CELF2: variants seen among roughly 807,000 people sequenced by gnomAD.
The protein encoded by CELF2 is CUGBP Elav-like family member 2.
Under a neutral mutation model 62.6 loss-of-function variants are expected in CELF2, and 8 were observed. The observed-to-expected ratio is 0.13, with a 90% CI of 0.07 to 0.23. The LOEUF (loss-of-function observed/expected upper bound fraction) is 0.23. Among genes scored for constraint, CELF2 ranks in the 10% least tolerant of loss-of-function variants. The pLI is 1.00. For synonymous variants in CELF2, 258 were observed against 250.0 expected, an observed-to-expected ratio of 1.03 and a Z score of -0.30; for missense variants, 333 against 671.0, an observed-to-expected ratio of 0.50 and a Z score of 5.56.
rs534737663 is a variant in CELF2 at position 11,038,657 on chromosome 10, A to G, written c.74+20494A>G. On this transcript the variant is annotated intron_variant, in intron 1 of 12. Coordinates refer to ENST00000633077, the MANE Select transcript of CELF2 (RefSeq NM_001326342.2). The stretch of plus-strand genomic sequence containing the variant: ...GAAGGAAAATTTGAATATCCATTTC[A>G]GCACTGATTTCATACACATTACACA... Among the ~76,000 whole-genome samples the G allele has an allele frequency of 1.5e-3, 226 of 152,364 alleles. 2 individuals carry two copies. The highest frequency in any genetic ancestry group is 2.7e-3 in the Non-Finnish European group (187 of 68,028).
the CELF2 span, among the ~76,000 whole-genome samples, chr10:10,718,493 G>A: frequency 2.0e-5 from 3 of 151,854 alleles, no homozygotes; most frequent in East Asian, 1.9e-4. Context: ...GCATGGTGGC[G>A]GGCACCTGTG....
At chr10:11,325,571 G>A (rs1428374609) in intron 11 of CELF2, among the ~76,000 whole-genome samples, 1 of 152,240 alleles carries the variant, frequency 6.6e-6, no homozygotes, top group African/African-American at 2.4e-5. Flanking sequence ...TGACTGAAAT[G>A]CATATGCCAA....
chr10:10,741,097 A>G, the CELF2 span, among the ~76,000 whole-genome samples: 1 of 152,252 alleles, frequency 6.6e-6, no homozygotes, highest in Non-Finnish European at 1.5e-5. Context: ...CCACTAAAAA[A>G]AAGTTAGCTA....
At chr10:11,136,842 C>A (rs2060515531) in intron 1 of CELF2, among the ~76,000 whole-genome samples, 1 of 152,092 alleles carries the variant, frequency 6.6e-6, no homozygotes, top group South Asian at 2.1e-4. Context: ...TAGGATGTTA[C>A]AATTTGCTGC....
the CELF2 span, among the ~76,000 whole-genome samples, chr10:10,605,699 A>T: frequency 6.6e-6 from 1 of 152,184 alleles, no homozygotes; most frequent in Non-Finnish European, 1.5e-5. Context: ...GGAAATGAAG[A>T]TCATGTGTGT....
intron 1 of CELF2, among the ~76,000 whole-genome samples, chr10:11,032,003 A>G (rs2060191425): frequency 6.6e-6 from 1 of 152,112 alleles, no homozygotes; most frequent in South Asian, 2.1e-4. Flanking sequence ...ACCCTGTGAA[A>G]CAAACACAAT....
At chr10:11,208,605 A>G (rs1244932328) in intron 2 of CELF2, among the ~76,000 whole-genome samples, 1 of 152,194 alleles carries the variant, frequency 6.6e-6, no homozygotes, top group Non-Finnish European at 1.5e-5. Context: ...TGGGGGTCTT[A>G]TGACCTACAG....
chr10:10,768,661 C>T, the CELF2 span, among the ~76,000 whole-genome samples: 1 of 151,566 alleles, frequency 6.6e-6, no homozygotes, highest in Non-Finnish European at 1.5e-5. Flanking sequence ...GCAACTTCTG[C>T]CTGCTGGGTT....
chr10:11,184,050 A>C (rs1204434511), intron 2 of CELF2, among the ~76,000 whole-genome samples: 3 of 152,170 alleles, frequency 2.0e-5, no homozygotes, highest in African/African-American at 7.2e-5. Context: ...TAGGCTTTAC[A>C]TTTTAGTCTT....
intron 1 of CELF2, among the ~76,000 whole-genome samples, chr10:10,832,721 A>G (rs903236616): frequency 6.6e-6 from 1 of 152,154 alleles, no homozygotes; most frequent in African/African-American, 2.4e-5. Context: ...CCTTAGTGGT[A>G]GTCTCAAAGT....
intron 1 of CELF2, among the ~76,000 whole-genome samples, chr10:10,825,037 A>G (rs2057274643): frequency 6.6e-6 from 1 of 152,210 alleles, no homozygotes; most frequent in Admixed American, 6.5e-5. Flanking sequence ...AAGCGTCTTA[A>G]TAGTTTCCAA....
the CELF2 span, among the ~76,000 whole-genome samples, chr10:10,662,707 G>A: frequency 6.6e-6 from 1 of 151,540 alleles, no homozygotes; most frequent in East Asian, 1.9e-4. Flanking sequence ...AAAAAAAAAA[G>A]TGCAAACAAA....
the CELF2 span, among the ~76,000 whole-genome samples, chr10:10,680,832 C>T: frequency 3.3e-5 from 5 of 152,028 alleles, no homozygotes; most frequent in South Asian, 2.1e-4. Flanking sequence ...TTGTTTACTA[C>T]GTATATATGA....
intron 1 of CELF2, among the ~76,000 whole-genome samples, chr10:10,810,657 C>T (rs542757070): frequency 3.3e-5 from 5 of 152,110 alleles, no homozygotes; most frequent in South Asian, 2.1e-4. Flanking sequence ...AGATGGAGAC[C>T]GGCAGAAGGA....
the CELF2 span, among the ~76,000 whole-genome samples, chr10:10,604,986 G>A: frequency 2.0e-5 from 3 of 152,220 alleles, no homozygotes; most frequent in East Asian, 5.8e-4. Context: ...GTTCATCGCA[G>A]CACTATTCAC....
the CELF2 span, among the ~76,000 whole-genome samples, chr10:10,499,856 C>A: frequency 6.6e-6 from 1 of 152,226 alleles, no homozygotes; most frequent in East Asian, 1.9e-4. Flanking sequence ...CCAGCTTGGG[C>A]AACAGAATAA....
At chr10:10,542,289 A>G in the CELF2 span, among the ~76,000 whole-genome samples, 1 of 152,134 alleles carries the variant, frequency 6.6e-6, no homozygotes, top group Non-Finnish European at 1.5e-5. Context: ...CCACACAAAC[A>G]TTGATGCCTC....
rs5783186 is a variant in CELF2 at position 10,919,269 on chromosome 10, G to GA, written c.54-684dup. On this transcript the variant is annotated intron_variant, in intron 1 of 13. Coordinates refer to the CELF2 transcript ENST00000636488. ...TGGGCAAAAGAGAGATACTCTGTCT[G>GA]AAAAAAAAAAAGAAAGAAAGAAAAC... 6.3e-3 allele frequency among the ~76,000 whole-genome samples: 937 copies of GA among 147,908 alleles called. 2 individuals are homozygous for GA. Among genetic ancestry groups the GA allele is most frequent in the Middle Eastern group, 0.01 (3 of 290 alleles).
At chr10:10,677,186 A>T in the CELF2 span, among the ~76,000 whole-genome samples, 1 of 152,214 alleles carries the variant, frequency 6.6e-6, no homozygotes, top group Non-Finnish European at 1.5e-5. Flanking sequence ...TTAATAAAAT[A>T]CTTTGGAGGT....
Sources: gnomAD v4.1 joint callset for allele counts (sites outside exome capture counted in the v4.1 genomes callset) on GRCh38, gnomAD v4.1.1 for gene constraint, MANE v1.5 for transcripts, NCBI Gene and HGNC (gene_info 2026-07-23, HGNC 2026-07-21) for gene names.